Variants in STARD13 observed in about 807,000 individuals in gnomAD.
STARD13 encodes the protein stAR-related lipid transfer protein 13.
In STARD13, 62 loss-of-function variants were observed where a neutral mutation model predicts 106.4. The ratio of observed to expected loss-of-function variants is 0.58; its 90% CI spans 0.48 to 0.72. The LOEUF is 0.72. STARD13 is among the 30% of genes least tolerant of loss of function. The pLI, the probability that STARD13 is intolerant of heterozygous loss-of-function variation, is 0.00. For missense variants in STARD13, 1,387 were observed against 1,424.0 expected (o/e 0.97, Z 0.42); for synonymous variants, 565 against 553.0 (o/e 1.02, Z -0.31).
chr13:33,655,506 A>T, the STARD13 span, among the ~76,000 whole-genome samples: 1 of 152,172 alleles, frequency 6.6e-6, no homozygotes, highest in Admixed American at 6.5e-5. Context: ...CTCCCCTCCC[A>T]GTCCATTCCA....
intron 1 of STARD13, among the ~76,000 whole-genome samples, chr13:33,325,693 T>C (rs1488989829): frequency 1.3e-5 from 2 of 152,128 alleles, no homozygotes; most frequent in East Asian, 1.9e-4. Context: ...ATTGTCTCTG[T>C]TACTAAGAAG....
At chr13:33,429,412 C>T in the STARD13 span, among the ~76,000 whole-genome samples, 2 of 151,906 alleles carry the variant, frequency 1.3e-5, no homozygotes, top group Admixed American at 6.6e-5. Flanking sequence ...CTGGCTAATA[C>T]GGTGAAACCC....
At chr13:33,389,533 C>T in the STARD13 span, among the ~76,000 whole-genome samples, 1 of 152,062 alleles carries the variant, frequency 6.6e-6, no homozygotes, top group Non-Finnish European at 1.5e-5. Context: ...ATTTATTTGC[C>T]TGCTATACTG....
At chr13:33,512,724 C>A in the STARD13 span, among the ~76,000 whole-genome samples, 2 of 152,130 alleles carry the variant, frequency 1.3e-5, no homozygotes, top group South Asian at 4.1e-4. Context: ...CTGCCTCGGA[C>A]TCTCAAAGTA....
chr13:33,660,024 A>T, the STARD13 span: 2 of 152,192 alleles, frequency 1.3e-5, no homozygotes, highest in Admixed American at 1.3e-4. Flanking sequence ...GCCATGTTTG[A>T]ATAGAGAGTT....
intron 1 of STARD13, among the ~76,000 whole-genome samples, chr13:33,319,886 G>A (rs2138525408): frequency 6.6e-6 from 1 of 152,260 alleles, no homozygotes; most frequent in Middle Eastern, 3.4e-3. Flanking sequence ...ATATAGATGA[G>A]GCTCTATAGC....
chr13:33,126,637 G>C (rs1057215037), intron 6 of STARD13, among the ~76,000 whole-genome samples: 1 of 152,204 alleles, frequency 6.6e-6, no homozygotes, highest in Non-Finnish European at 1.5e-5. Context: ...AGGGAGAAAA[G>C]AAGAACAATA....
At chr13:33,557,791 G>T in the STARD13 span, among the ~76,000 whole-genome samples, 1 of 152,146 alleles carries the variant, frequency 6.6e-6, no homozygotes, top group Admixed American at 6.5e-5. Flanking sequence ...TAAGAGAAAG[G>T]AGTTTAGATA....
intron 1 of STARD13, among the ~76,000 whole-genome samples, chr13:33,200,144 A>G (rs1886913892): frequency 6.6e-6 from 1 of 152,242 alleles, no homozygotes; most frequent in Non-Finnish European, 1.5e-5. Flanking sequence ...GAAGGTAACC[A>G]AACACGCTGC....
chr13:33,419,464 C>T, the STARD13 span, among the ~76,000 whole-genome samples: 2 of 152,116 alleles, frequency 1.3e-5, no homozygotes, highest in African/African-American at 4.8e-5. Context: ...AAATACGCGA[C>T]TATGTGAAAA....
intron 1 of STARD13, among the ~76,000 whole-genome samples, chr13:33,177,470 G>A (rs1022004963): frequency 6.6e-6 from 1 of 152,080 alleles, no homozygotes; most frequent in African/African-American, 2.4e-5. Flanking sequence ...AGATTTTGGT[G>A]ATGCTAGTTA....
chr13:33,623,520 T>C, the STARD13 span, among the ~76,000 whole-genome samples: 1 of 149,360 alleles, frequency 6.7e-6, no homozygotes, highest in African/African-American at 2.5e-5. Context: ...TGTATGTACA[T>C]ACATACAAAA....
chr13:33,564,997 A>G, the STARD13 span, among the ~76,000 whole-genome samples: 5 of 146,368 alleles, frequency 3.4e-5, no homozygotes, highest in African/African-American at 5.0e-5. Flanking sequence ...TCAAAAAAAA[A>G]AAAAAAAGAA....
chr13:33,450,989 C>T, the STARD13 span, among the ~76,000 whole-genome samples: 2 of 151,772 alleles, frequency 1.3e-5, no homozygotes, highest in South Asian at 2.1e-4. Flanking sequence ...CTCGAGGAAT[C>T]CTTCCACCTC....
chr13:33,505,049 A>G, the STARD13 span, among the ~76,000 whole-genome samples: 1 of 151,902 alleles, frequency 6.6e-6, no homozygotes, highest in Non-Finnish European at 1.5e-5. Context: ...GGAGCCCAAC[A>G]CTCCCTGTCC....
the STARD13 span, among the ~76,000 whole-genome samples, chr13:33,485,462 C>T: frequency 1.3e-5 from 2 of 151,948 alleles, no homozygotes; most frequent in Non-Finnish European, 2.9e-5. Context: ...TTGGCATAAA[C>T]TCATTAGAAA....
At chr13:33,436,697 G>A in the STARD13 span, among the ~76,000 whole-genome samples, 1 of 152,190 alleles carries the variant, frequency 6.6e-6, no homozygotes, top group Non-Finnish European at 1.5e-5. Flanking sequence ...CCAGTGGACA[G>A]CTTAAACTGC....
At chr13:33,292,116 TA>T (rs1385389393) in intron 1 of STARD13, among the ~76,000 whole-genome samples, 1 of 152,114 alleles carries the variant, frequency 6.6e-6, no homozygotes, top group Non-Finnish European at 1.5e-5. Context: ...ATAATAAAGC[TA>T]GGGGTAAAAT....
intron 3 of STARD13, among the ~76,000 whole-genome samples, chr13:33,151,343 A>C (rs1271561508): frequency 1.3e-5 from 2 of 152,182 alleles, no homozygotes; most frequent in Non-Finnish European, 2.9e-5. Flanking sequence ...CAGGAATCTT[A>C]CCATGACAGC....
Sources: allele counts gnomAD v4.1 joint callset (sites outside exome capture counted in the v4.1 genomes callset), GRCh38; gene constraint gnomAD v4.1.1; transcripts MANE v1.5; gene names NCBI Gene and HGNC (gene_info 2026-07-23, HGNC 2026-07-21).